The following CD2 variants were observed in gnomAD, a reference collection of about 807,000 sequenced individuals.
The protein encoded by CD2 is CD2 molecule.
Under a neutral mutation model 23.2 loss-of-function variants are expected in CD2, and 18 were observed. The observed-to-expected ratio is 0.77, with a 90% CI of 0.54 to 1.15. The LOEUF (loss-of-function observed/expected upper bound fraction) is 1.15. CD2 is among the 50% of genes most tolerant of loss of function. The pLI, the probability that CD2 is intolerant of heterozygous loss-of-function variation, is 0.00. For missense variants in CD2, 424 were observed against 423.1 expected (o/e 1.00, Z -0.02); for synonymous variants, 162 against 151.9 (o/e 1.07, Z -0.49).
At chr1:116,756,046 C>A (rs988431412) in intron 2 of CD2, among the ~76,000 whole-genome samples, 1 of 152,152 alleles carries the variant, frequency 6.6e-6, no homozygotes, top group Non-Finnish European at 1.5e-5. Context: ...CCAGCCCCAT[C>A]TTCAGCACCT....
intron 4 of CD2, among the ~76,000 whole-genome samples, chr1:116,765,382 C>G (rs1369708776): frequency 6.6e-6 from 1 of 152,192 alleles, no homozygotes; most frequent in African/African-American, 2.4e-5. Flanking sequence ...AACCGGCAGG[C>G]ACAGCCACAC....
rs140476814 is a variant in CD2 at position 116,760,482 on chromosome 1, G to T, written c.463G>T (p.Glu155Ter). ...TGAGGTAATGAATGGAACTGACCCC[G>T]AATTAAACCTGTATCAAGATGGGAA... ...TCEVMNGTDP[E>*]LNLYQDGKHL... The change falls in exon 3 of 5, where the codon GAA becomes TAA. Residue 155 changes from glutamate to a stop codon, truncating the protein, a stop_gained. Coordinates refer to ENST00000369478, the MANE Select transcript of CD2 (RefSeq NM_001767.5). LOFTEE classifies it high-confidence loss of function. 2 of 1,613,996 alleles carry T rather than the reference G, an allele frequency of 1.2e-6. No homozygotes were observed. The highest frequency in any genetic ancestry group is 1.3e-5 in the African/African-American group (1 of 74,880).
rs77206601 is a variant in CD2, at chr1:116,766,550, G to A, written c.737-1914G>A. Among the ~76,000 whole-genome samples the A allele has an allele frequency of 5.3e-3, 808 of 152,238 alleles. 19 individuals carry two copies. The East Asian group carries it at 0.062, about 12-fold the overall frequency. ...GAAGATGAGGAATAAATGTTGGAAG[G>A]ACAAATGAACCAAATGGTGTATGGG... is the stretch of plus-strand genomic sequence containing the variant. On this transcript the variant is annotated intron_variant, in intron 4 of 4. Transcript: ENST00000369478.
rs568062698 is a variant in CD2 at position 116,760,699 on chromosome 1, C to A, written c.613+67C>A. 9.1e-5 allele frequency: 114 copies of A among 1,247,464 alleles called. No homozygotes were observed. In the African/African-American group the frequency reaches 1.5e-3, roughly 16 times the overall value. 77.3% of individuals were successfully genotyped at this position (1,247,464 alleles called of 1,614,324 possible). ...CCTCAGTAGGCAGAGGCATGCTGCT[C>A]CAGGTCACAGGTGCTCATGCTGGGA... On this transcript the variant is annotated intron_variant, in intron 3 of 4. Coordinates refer to ENST00000369478, the MANE Select transcript of CD2 (RefSeq NM_001767.5).
chr1:116,759,448 C>T (rs547559086), intron 2 of CD2, among the ~76,000 whole-genome samples: 5 of 150,998 alleles, frequency 3.3e-5, no homozygotes, highest in East Asian at 1.9e-4. Context: ...AAACAGAAGA[C>T]GAGGAAAAGG....
chr1:116,764,162 C>A (rs774958423), intron 3 of CD2, among the ~76,000 whole-genome samples: 11 of 152,076 alleles, frequency 7.2e-5, no homozygotes, highest in Non-Finnish European at 1.6e-4. Context: ...TTTAGAGTAT[C>A]TCTAAGATCC....
intron 2 of CD2, among the ~76,000 whole-genome samples, chr1:116,756,208 G>A (rs1006904823): frequency 9.2e-5 from 14 of 152,238 alleles, no homozygotes; most frequent in South Asian, 8.3e-4. Context: ...TGAGCATGGC[G>A]CTGAAAAGGG....
rs1048999222 is a variant in CD2 at position 116,769,158 on chromosome 1, G to A, written c.*375G>A. On this transcript the variant is annotated 3_prime_UTR_variant, in exon 5 of 5. Transcript: ENST00000369478. ...GCCTATCTGCTTAAGAGACTCTGGA[G>A]TTTCTTATGTGCCCTGGTGGACACT... 1.1e-5 allele frequency: 2 copies of A among 175,310 alleles called. No individual in the cohort carries two copies. Among genetic ancestry groups the A allele is most frequent in the Admixed American group, 1.2e-4 (2 of 17,156 alleles). The allele number at this position is 175,310 out of a possible 1,614,324, so 10.9% of individuals were successfully genotyped here. A position where few individuals can be genotyped will look rare whatever the true frequency, so the allele number is the denominator to read the frequency against.
chr1:116,761,917 AC>A (rs1652067670), intron 3 of CD2, among the ~76,000 whole-genome samples: 1 of 151,848 alleles, frequency 6.6e-6, no homozygotes, highest in Non-Finnish European at 1.5e-5. Flanking sequence ...AGCAGCCTCC[AC>A]CTCCCAGGCT....
At position 116,764,564 on chromosome 1, in the gene CD2, T is replaced by A; in HGVS notation, c.694T>A (p.Phe232Ile). The A allele has an allele frequency of 6.2e-7, 1 of 1,614,066 alleles. No individual in the cohort carries two copies. The highest frequency in any genetic ancestry group is 8.5e-7 in the Non-Finnish European group (1 of 1,180,016). The change falls in exon 4 of 5, where the codon TTC becomes ATC. Residue 232 changes from phenylalanine to isoleucine, a missense_variant. Physicochemically the swap from Phe to Ile is conservative, Grantham distance 21. Transcript: ENST00000369478. ...LLMVFVALLVFYITKRKKQRS... is the reference protein window; with the variant it reads ...LLMVFVALLVIYITKRKKQRS... The stretch of plus-strand genomic sequence containing the variant: ...GATGGTCTTTGTGGCACTGCTCGTT[T>A]TCTATATCACCAAAAGGAAAAAACA...
At chr1:116,755,118 G>A in intron 2 of CD2, 167 bp downstream of exon 2, 1 of 608,532 alleles carries the variant, frequency 1.6e-6, no homozygotes, top group Non-Finnish European at 2.9e-6. Context: ...TCCAATGCGG[G>A]AATGGGATCC....
At chr1:116,756,041 C>T (rs1651836741) in intron 2 of CD2, among the ~76,000 whole-genome samples, 1 of 152,100 alleles carries the variant, frequency 6.6e-6, no homozygotes, top group Admixed American at 6.5e-5. Context: ...TGTCTCCAGC[C>T]CCATCTTCAG....
In CD2 at chr1:116,759,745, G is replaced by T. The variant is rs74666133; in HGVS notation, c.383-657G>T. Among the ~76,000 whole-genome samples, 9 of 152,270 alleles carry T rather than the reference G, an allele frequency of 5.9e-5. No individual in the cohort carries two copies. The East Asian group carries it at 1.5e-3, about 26-fold the overall frequency. On this transcript the variant is annotated intron_variant, in intron 2 of 4. Coordinates refer to ENST00000369478, the MANE Select transcript of CD2 (RefSeq NM_001767.5). ...CCCTGTGAGCAACTGAGCAGCTCTG[G>T]GCTGGGAAAAGGCAGAATCAAGTCT... is the stretch of plus-strand genomic sequence containing the variant.
Position 116,769,056 on chromosome 1 carries a change from G to C in CD2, c.*273G>C. ...GAGGACCGAGCACAGAAATCTTAGA[G>C]ATTTCTTGTCCCCTCTCAGGTCATG... On this transcript the variant is annotated 3_prime_UTR_variant, in exon 5 of 5. Transcript: ENST00000369478. 1 of 412,136 alleles carries C rather than the reference G, an allele frequency of 2.4e-6. No individual in the cohort carries two copies. The highest frequency in any genetic ancestry group is 4.3e-5 in the East Asian group (1 of 23,506). The allele number at this position is 412,136 out of a possible 1,614,324, so 25.5% of individuals were successfully genotyped here.
Position 116,768,672 on chromosome 1 carries a change from GT to G in CD2, c.946del (p.Ser316ArgfsTer46). ...HQPQKRPPAP[S>X]GTQVHQQKGP... ...AGCCTCAGAAGAGGCCTCCTGCTCC[GT>G]CGGGCACACAAGTTCACCAGCAGAA... On this transcript the variant is annotated frameshift_variant, in exon 5 of 5. Coordinates refer to ENST00000369478, the MANE Select transcript of CD2 (RefSeq NM_001767.5). LOFTEE classifies it low-confidence loss of function (END_TRUNC). 1 of 1,614,052 alleles carries G rather than the reference GT, an allele frequency of 6.2e-7. No homozygotes were observed.
chr1:116,766,023 C>T (rs138857399), intron 4 of CD2, among the ~76,000 whole-genome samples: 79 of 152,322 alleles, frequency 5.2e-4, no homozygotes, highest in African/African-American at 1.8e-3. Flanking sequence ...AGGCCTAGGC[C>T]GAGGCAAGGA....
intron 4 of CD2, among the ~76,000 whole-genome samples, chr1:116,766,677 G>C (rs896398707): frequency 6.6e-6 from 1 of 151,752 alleles, no homozygotes; most frequent in East Asian, 1.9e-4. Flanking sequence ...GCAATATAGT[G>C]AGACCTGGTC....
rs555314296 is a variant in CD2 at position 116,768,854 on chromosome 1, C to A, written c.*71C>A. The stretch of plus-strand genomic sequence containing the variant: ...TGCCCTCCTGATGTGCATATCCGTA[C>A]TTCCATGAGGTGTTTTCTGTGTGCA... On this transcript the variant is annotated 3_prime_UTR_variant, in exon 5 of 5. Transcript: ENST00000369478. The A allele has an allele frequency of 2.8e-5, 40 of 1,425,420 alleles. No homozygotes were observed. The highest frequency in any genetic ancestry group is 3.1e-5 in the Non-Finnish European group (32 of 1,041,870). 88.3% of individuals were successfully genotyped at this position (1,425,420 alleles called of 1,614,324 possible). A position where few individuals can be genotyped will look rare whatever the true frequency, so the allele number is the denominator to read the frequency against.
In CD2 at chr1:116,759,428, G is replaced by GA. The variant is rs58364188; in HGVS notation, c.383-962dup. Among the ~76,000 whole-genome samples, 278 of 138,834 alleles carry GA rather than the reference G, an allele frequency of 2.0e-3. 2 individuals carry two copies. The highest frequency in any genetic ancestry group is 6.0e-3 in the East Asian group (29 of 4,864). 91.1% of individuals were successfully genotyped at this position (138,834 alleles called of 152,430 possible). ...CTGGGGGGAACAAAGTAAAGAATGA[G>GA]AAAAAAAAAAAACAGAAGACGAGGA... On this transcript the variant is annotated intron_variant, in intron 2 of 4. Transcript: ENST00000369478.
Sources: gnomAD v4.1 joint callset for allele counts (sites outside exome capture counted in the v4.1 genomes callset) on GRCh38, gnomAD v4.1.1 for gene constraint, MANE v1.5 for transcripts, NCBI Gene and HGNC (gene_info 2026-07-23, HGNC 2026-07-21) for gene names.